DNAH17: variants seen among roughly 807,000 people sequenced by gnomAD.
DNAH17 encodes dynein axonemal heavy chain 17.
DNAH17 carries 376 observed loss-of-function variants against 485.6 expected under a neutral mutation model. The ratio of observed to expected loss-of-function variants is 0.77; its 90% confidence interval spans 0.71 to 0.84. The LOEUF is 0.84. DNAH17 is among the 40% of genes least tolerant of loss of function. The probability of loss-of-function intolerance (pLI) is 0.00; values close to 1 mark genes in which losing one functional copy is unlikely to be tolerated. For synonymous variants in DNAH17, 3,031 were observed against 2,405.9 expected (o/e 1.26, Z -7.60); for missense variants, 6,370 against 5,839.3 (o/e 1.09, Z -2.96).
At chr17:78,471,496 T>C (rs960015483) in intron 54 of DNAH17, among the ~76,000 whole-genome samples, 3 of 152,208 alleles carry the variant, frequency 2.0e-5, no homozygotes, top group African/African-American at 7.2e-5. Flanking sequence ...AGACTGACCA[T>C]ACCAGAAATC....
In DNAH17 at chr17:78,558,100, C is replaced by T; in HGVS notation, c.2178+8G>A. 1 of 1,610,772 alleles carries T rather than the reference C, an allele frequency of 6.2e-7. No individual in the cohort carries two copies. Among genetic ancestry groups the T allele is most frequent in the South Asian group, 1.1e-5 (1 of 90,428 alleles). ...TGCATCAGGAATAGTACCGACTCAC[C>T]AACTCACCTCATTATACCAGCCAAC... On this transcript the variant is annotated splice_region_variant and intron_variant, in intron 14 of 80. Transcript: ENST00000389840.
At chr17:78,466,035 T>C (rs2088433492) in intron 56 of DNAH17, among the ~76,000 whole-genome samples, 1 of 152,094 alleles carries the variant, frequency 6.6e-6, no homozygotes, top group Non-Finnish European at 1.5e-5. Flanking sequence ...GGTTGCCGTG[T>C]CTGTGTAGAA....
At position 78,455,659 on chromosome 17, in the gene DNAH17, G is replaced by A; in HGVS notation, c.10155C>T (p.Tyr3385=). 6.4e-7 allele frequency: 1 copy of A among 1,554,846 alleles called. No individual in the cohort carries two copies. Among genetic ancestry groups the A allele is most frequent in the Non-Finnish European group, 8.7e-7 (1 of 1,148,972 alleles). The part of the protein sequence containing the change: ...NELMEKFWIP[Y]IHNLKVPIPI... ...CACTCCTTACCTTTAAGTTATGTAT[G>A]TAAGGGATCCAGAATTTCTCCATCA... Residue 3385 remains tyrosine (Y), a synonymous_variant, in exon 63 of 81, where the codon TAC becomes TAT. Coordinates refer to ENST00000389840, the MANE Select transcript of DNAH17 (RefSeq NM_173628.4).
chr17:78,531,668 A>G (rs1317832619), intron 20 of DNAH17, among the ~76,000 whole-genome samples: 1 of 152,122 alleles, frequency 6.6e-6, no homozygotes, highest in Non-Finnish European at 1.5e-5. Context: ...TGATGTAACT[A>G]TAGTTATTCC....
At chr17:78,431,535 C>CGTTCCATCAGACTTTTGT (rs374758799) in intron 75 of DNAH17, among the ~76,000 whole-genome samples, 1 of 151,594 alleles carries the variant, frequency 6.6e-6, no homozygotes, top group Admixed American at 6.6e-5. Context: ...TTCAAAGCAA[C>CGTTCCATCAGACTTTTGT]GTTCCATCAG....
At chr17:78,460,941 A>G (rs976877631) in intron 58 of DNAH17, among the ~76,000 whole-genome samples, 4 of 152,114 alleles carry the variant, frequency 2.6e-5, no homozygotes, top group African/African-American at 9.7e-5. Context: ...AATTACACAG[A>G]TGTAGGACTG....
rs114273753 is a variant in DNAH17 at position 78,463,219 on chromosome 17, C to T, written c.8941-142G>A. On this transcript the variant is annotated intron_variant, in intron 56 of 80. Coordinates refer to ENST00000389840, the MANE Select transcript of DNAH17 (RefSeq NM_173628.4). ...CAGTGTCTTCAACTGCCCAAAGGGGCTCCTGAGAGCAACAGATCCTGGGGC... is the reference window on the plus strand; with the variant it reads ...CAGTGTCTTCAACTGCCCAAAGGGGTTCCTGAGAGCAACAGATCCTGGGGC... 5.2e-3 allele frequency: 3,665 copies of T among 701,646 alleles called. 124 individuals are homozygous for T. In the African/African-American group the frequency reaches 0.059, roughly 11 times the overall value. 43.5% of individuals were successfully genotyped at this position (701,646 alleles called of 1,614,324 possible).
chr17:78,498,857 G>A lies in DNAH17; in HGVS notation c.5745+151C>T. The stretch of plus-strand genomic sequence containing the variant: ...TTGCCTAACCAGGCTTTGGGACCCT[G>A]GAGGGCAAGAGCTCAATGGCACCAC... On this transcript the variant is annotated intron_variant, in intron 37 of 80. Transcript: ENST00000389840. The A allele has an allele frequency of 5.7e-6, 3 of 527,854 alleles. No individual in the cohort carries two copies. In the Middle Eastern group the frequency reaches 1.0e-3, roughly 181 times the overall value. 32.7% of individuals were successfully genotyped at this position (527,854 alleles called of 1,614,324 possible). A position where few individuals can be genotyped will look rare whatever the true frequency, so the allele number is the denominator to read the frequency against.
rs745694268 is a variant in DNAH17, at chr17:78,532,639, G to A, written c.2957C>T (p.Ser986Phe). The A allele has an allele frequency of 2.5e-6, 4 of 1,600,510 alleles. No homozygotes were observed. The highest frequency in any genetic ancestry group is 1.1e-5 in the South Asian group (1 of 88,780). The change falls in exon 20 of 81, where the codon TCC (serine) becomes TTC (phenylalanine). Residue 986 changes from serine (S) to phenylalanine (F), a missense_variant. By Grantham distance (155) the Ser-to-Phe change is radical (BLOSUM62 -2). Coordinates refer to ENST00000389840, the MANE Select transcript of DNAH17 (RefSeq NM_173628.4). Reference sequence around the variant, plus strand: ...CCAGAGGTAGGAGTACCTCTCAAAGGAATCCTGGTACTCCTCGGCCTCCTT... The same window carrying A: ...CCAGAGGTAGGAGTACCTCTCAAAGAAATCCTGGTACTCCTCGGCCTCCTT... ...AMKEAEEYQD[S>F]FERYSYLWTD...
At chr17:78,507,243 C>G in intron 29 of DNAH17, 35 bp downstream of exon 29, 1 of 1,609,604 alleles carries the variant, frequency 6.2e-7, no homozygotes, top group Middle Eastern at 1.7e-4. Flanking sequence ...ATCTGCACCA[C>G]TGACTCCCCT....
rs67699672 is a variant in DNAH17, at chr17:78,428,924, T to A, written c.12405+197A>T. The stretch of plus-strand genomic sequence containing the variant: ...TTCCCTGAGGCTGCATTTCTTTCTT[T>A]AAAAAAAAAAAAAAAAAAAAAAGGT... On this transcript the variant is annotated intron_variant, in intron 76 of 80. Transcript: ENST00000389840. Among the ~76,000 whole-genome samples the A allele has an allele frequency of 4.7e-4, 49 of 103,306 alleles. No individual in the cohort carries two copies. The highest frequency in any genetic ancestry group is 7.1e-4 in the South Asian group (2 of 2,816). The allele number at this position is 103,306 out of a possible 152,430, so 67.8% of individuals were successfully genotyped here. A position where few individuals can be genotyped will look rare whatever the true frequency, so the allele number is the denominator to read the frequency against.
At position 78,475,835 on chromosome 17, in the gene DNAH17, TAGAA is replaced by T. The variant is rs776784658; in HGVS notation, c.8155-6_8155-3del. ...AAATAAGAGTTCATCACCAAGATCC[TAGAA>T]AAAGAAAAAAAAAGACGATACTTCC... On this transcript the variant is annotated splice_region_variant and splice_polypyrimidine_tract_variant and intron_variant, in intron 52 of 80. Coordinates refer to ENST00000389840, the MANE Select transcript of DNAH17 (RefSeq NM_173628.4). 6.9e-6 allele frequency: 11 copies of T among 1,602,826 alleles called. No individual in the cohort carries two copies. The South Asian group carries it at 1.2e-4, about 18-fold the overall frequency.
At chr17:78,501,413 G>C in intron 34 of DNAH17, 69 bp from the exon 35 acceptor site, 3 of 1,517,930 alleles carry the variant, frequency 2.0e-6, no homozygotes, top group Non-Finnish European at 2.7e-6. Context: ...AGGAAGGCCA[G>C]CATGCCTCCA....
chr17:78,508,788 TTTTTTA>T (rs1220322805), intron 27 of DNAH17, among the ~76,000 whole-genome samples: 10 of 152,184 alleles, frequency 6.6e-5, no homozygotes, highest in African/African-American at 1.4e-4. Context: ...GTTAATTCTA[TTTTTTA>T]TTTTTATTTT....
At chr17:78,552,457 T>G (rs1229403191) in intron 15 of DNAH17, among the ~76,000 whole-genome samples, 1 of 151,804 alleles carries the variant, frequency 6.6e-6, no homozygotes, top group Admixed American at 6.6e-5. Context: ...TGGAAACCTC[T>G]TGGCAGTTCC....
chr17:78,477,275 T>C (rs2089074772), intron 51 of DNAH17, among the ~76,000 whole-genome samples: 2 of 152,138 alleles, frequency 1.3e-5, no homozygotes, highest in Non-Finnish European at 1.5e-5. Flanking sequence ...TTGCACACTA[T>C]GGTGTATGCT....
chr17:78,426,377 C>T (rs1321929993), intron 79 of DNAH17, 80 bp downstream of exon 79: 1 of 1,454,888 alleles, frequency 6.9e-7, no homozygotes. Context: ...CTCCTGCAGG[C>T]TCTAGGGTGT....
At chr17:78,523,368 C>A (rs956349440) in intron 25 of DNAH17, among the ~76,000 whole-genome samples, 3 of 152,206 alleles carry the variant, frequency 2.0e-5, no homozygotes, top group African/African-American at 4.8e-5. Flanking sequence ...AGGTGATCCA[C>A]CTGCCTTGGC....
Position 78,458,656 on chromosome 17 carries a change from G to A in DNAH17, c.9886C>T (p.Leu3296=). The A allele has an allele frequency of 6.2e-7, 1 of 1,614,058 alleles. No homozygotes were observed. The highest frequency in any genetic ancestry group is 8.5e-7 in the Non-Finnish European group (1 of 1,179,892). ...IAELNANLSN[L]TSAFEKATAE... is the part of the protein sequence containing the mutation. Reference sequence around the variant, plus strand: ...GTTGCTTTTTCAAACGCTGAGGTTAGGTTGCTCAGGTTGGCGTTAAGTTCC... The same window carrying A: ...GTTGCTTTTTCAAACGCTGAGGTTAAGTTGCTCAGGTTGGCGTTAAGTTCC... Residue 3296 remains leucine (L), a synonymous_variant, in exon 62 of 81, where the codon CTA becomes TTA. Coordinates refer to ENST00000389840, the MANE Select transcript of DNAH17 (RefSeq NM_173628.4).
Sources: gnomAD v4.1 joint callset for allele counts (sites outside exome capture counted in the v4.1 genomes callset) on GRCh38, gnomAD v4.1.1 for gene constraint, MANE v1.5 for transcripts, NCBI Gene and HGNC (gene_info 2026-07-23, HGNC 2026-07-21) for gene names.